CENPH: variants seen among roughly 807,000 people sequenced by gnomAD.
CENPH encodes CENP-H.
Under a neutral mutation model 42.9 loss-of-function variants are expected in CENPH, and 40 were observed. That is an observed-to-expected ratio of 0.93 (90% CI 0.72 to 1.21). The LOEUF (loss-of-function observed/expected upper bound fraction) is 1.21, where lower values mean the gene tolerates loss of function less well. CENPH is among the 50% of genes most tolerant of loss of function. The pLI is 0.00. For synonymous variants in CENPH, 88 were observed against 96.5 expected, an observed-to-expected ratio of 0.91 and a Z score of 0.52; for missense variants, 302 against 292.9, an observed-to-expected ratio of 1.03 and a Z score of -0.23.
chr5:69,204,183 T>A (rs917416739), intron 7 of CENPH, among the ~76,000 whole-genome samples: 2 of 147,420 alleles, frequency 1.4e-5, no homozygotes, highest in African/African-American at 5.0e-5. Flanking sequence ...ACTGTTGGAA[T>A]GTTTATTTCA....
rs1002921884 is a variant in CENPH, at chr5:69,208,026, C to T, written c.488-170C>T. On this transcript the variant is annotated intron_variant, in intron 7 of 8. Coordinates refer to ENST00000283006, the MANE Select transcript of CENPH (RefSeq NM_022909.4). ...ACGAAATTAAAATATTGTTATTTTG[C>T]ACCAGGGAAGTCATTTTCAGATCGT... The T allele has an allele frequency of 1.4e-5, 6 of 414,120 alleles. No individual in the cohort carries two copies. In the East Asian group the frequency reaches 1.9e-4, roughly 13 times the overall value. 25.7% of individuals were successfully genotyped at this position (414,120 alleles called of 1,614,324 possible). A position where few individuals can be genotyped will look rare whatever the true frequency, so the allele number is the denominator to read the frequency against.
intron 7 of CENPH, among the ~76,000 whole-genome samples, chr5:69,203,351 TA>T (rs527980221): frequency 5.4e-5 from 8 of 148,026 alleles, no homozygotes; most frequent in East Asian, 2.0e-4. Context: ...ATTTTTATGT[TA>T]AAAAAAATTT....
intron 2 of CENPH, among the ~76,000 whole-genome samples, chr5:69,193,326 A>G (rs1747909503): frequency 6.6e-6 from 1 of 152,040 alleles, no homozygotes; most frequent in Admixed American, 6.6e-5. Flanking sequence ...TATAATCACT[A>G]CCACAATCAA....
chr5:69,200,719 C>CTTTTTTTTTTTTTTTTTTTTTTTTTTTT lies in CENPH; in HGVS notation c.372-1780_372-1753dup, dbSNP rs70992906. Among the ~76,000 whole-genome samples the CTTTTTTTTTTTTTTTTTTTTTTTTTTTT allele has an allele frequency of 3.4e-4, 16 of 46,918 alleles. 4 individuals are homozygous for CTTTTTTTTTTTTTTTTTTTTTTTTTTTT. The highest frequency in any genetic ancestry group is 1.1e-3 in the South Asian group (1 of 924). 30.8% of individuals were successfully genotyped at this position (46,918 alleles called of 152,430 possible). ...TCCCAAACTTTCTGAATCAGCGTAT[C>CTTTTTTTTTTTTTTTTTTTTTTTTTTTT]TTTTTTTTTTTTTTTTTTTTTTTTT... On this transcript the variant is annotated intron_variant, in intron 5 of 8. Coordinates refer to ENST00000283006, the MANE Select transcript of CENPH (RefSeq NM_022909.4).
intron 8 of CENPH, among the ~76,000 whole-genome samples, chr5:69,208,777 C>G (rs1361550800): frequency 6.6e-6 from 1 of 151,972 alleles, no homozygotes; most frequent in Non-Finnish European, 1.5e-5. Flanking sequence ...TGTGTGTATA[C>G]TTAATGTTTA....
chr5:69,208,271 G>C lies in CENPH; in HGVS notation c.563G>C (p.Ser188Thr), dbSNP rs775808907. 5.0e-6 allele frequency: 8 copies of C among 1,593,908 alleles called. No individual in the cohort carries two copies. In the African/African-American group the frequency reaches 1.1e-4, roughly 21 times the overall value. The change falls in exon 8 of 9, where the codon AGT (serine) becomes ACT (threonine). Residue 188 changes from serine to threonine, a missense_variant. Physicochemically the swap from Ser to Thr is moderately conservative, Grantham distance 58. Coordinates refer to ENST00000283006, the MANE Select transcript of CENPH (RefSeq NM_022909.4). ...AACAAACAGAAGATTGATTTGGACAGTATGGAAAACTCAGAGAGGATAAAG... is the reference window on the plus strand; with the variant it reads ...AACAAACAGAAGATTGATTTGGACACTATGGAAAACTCAGAGAGGATAAAG... ...EKNKQKIDLD[S>T]MENSERIKII...
intron 2 of CENPH, among the ~76,000 whole-genome samples, chr5:69,193,068 G>T (rs369192185): frequency 1.3e-5 from 2 of 151,626 alleles, no homozygotes; most frequent in African/African-American, 4.9e-5. Flanking sequence ...TTGCACTCTG[G>T]CCTGGGCAAC....
At chr5:69,200,396 A>C (rs1232926568) in intron 5 of CENPH, among the ~76,000 whole-genome samples, 1 of 152,192 alleles carries the variant, frequency 6.6e-6, no homozygotes, top group Admixed American at 6.6e-5. Context: ...TCTTCTATGA[A>C]CACCTTATAA....
chr5:69,204,940 A>G (rs1748126483), intron 7 of CENPH, among the ~76,000 whole-genome samples: 1 of 104,822 alleles, frequency 9.5e-6, no homozygotes, highest in African/African-American at 3.8e-5. Flanking sequence ...TTTTTTTGAG[A>G]TGGAGTCTCC....
intron 7 of CENPH, among the ~76,000 whole-genome samples, chr5:69,204,036 A>C (rs1394949561): frequency 1.5e-5 from 1 of 66,702 alleles, no homozygotes; most frequent in Non-Finnish European, 3.0e-5. Flanking sequence ...ATATATAATT[A>C]TATATATTTA....
rs1051098835 is a variant in CENPH, at chr5:69,189,615, G to T, written c.-20G>T. On this transcript the variant is annotated 5_prime_UTR_variant, in exon 1 of 9. Coordinates refer to ENST00000283006, the MANE Select transcript of CENPH (RefSeq NM_022909.4). ...GAGCGCGTTTGCCTGTTGAGTGGTA[G>T]CCTTTCCCCTCAACCAGCAATGGAG... 6 of 1,585,750 alleles carry T rather than the reference G, an allele frequency of 3.8e-6. No homozygotes were observed. The highest frequency in any genetic ancestry group is 2.3e-5 in the South Asian group (2 of 87,842).
chr5:69,200,666 T>C (rs1748042328), intron 5 of CENPH, among the ~76,000 whole-genome samples: 1 of 151,206 alleles, frequency 6.6e-6, no homozygotes, highest in African/African-American at 2.4e-5. Flanking sequence ...GAATAATGTC[T>C]ATTATAGTGA....
At chr5:69,204,457 CTT>C (rs1748114248) in intron 7 of CENPH, among the ~76,000 whole-genome samples, 1 of 151,586 alleles carries the variant, frequency 6.6e-6, no homozygotes. Context: ...GCCCAGCTAA[CTT>C]TTTTGTTTTT....
intron 7 of CENPH, among the ~76,000 whole-genome samples, chr5:69,203,734 C>T (rs1748095076): frequency 6.6e-6 from 1 of 151,952 alleles, no homozygotes; most frequent in South Asian, 2.1e-4. Context: ...AACTCCTGAC[C>T]TCAAGTGATC....
chr5:69,200,291 T>G (rs1748037451), intron 5 of CENPH, among the ~76,000 whole-genome samples: 1 of 152,116 alleles, frequency 6.6e-6, no homozygotes, highest in African/African-American at 2.4e-5. Flanking sequence ...AAGCCTGATG[T>G]AAACAGTAAA....
chr5:69,193,019 C>T (rs1381615838), intron 2 of CENPH, among the ~76,000 whole-genome samples: 1 of 151,868 alleles, frequency 6.6e-6, no homozygotes, highest in Non-Finnish European at 1.5e-5. Context: ...ATCGCTTGAA[C>T]CTGGGAGGTG....
At chr5:69,204,429 AC>A (rs1748113775) in intron 7 of CENPH, among the ~76,000 whole-genome samples, 1 of 151,124 alleles carries the variant, frequency 6.6e-6, no homozygotes, top group Admixed American at 6.6e-5. Context: ...AGCTGGGAAT[AC>A]AAGTGCACTC....
At chr5:69,193,932 A>G (rs1319439060) in intron 2 of CENPH, among the ~76,000 whole-genome samples, 1 of 152,090 alleles carries the variant, frequency 6.6e-6, no homozygotes, top group Non-Finnish European at 1.5e-5. Context: ...GATTACAGGC[A>G]TGAGCCATCA....
At position 69,189,591 on chromosome 5, in the gene CENPH, A is replaced by G; in HGVS notation, c.-44A>G. ...GTGGCGGGAAAAGCGACCTTTTCTG[A>G]GCGCGTTTGCCTGTTGAGTGGTAGC... On this transcript the variant is annotated 5_prime_UTR_variant, in exon 1 of 9. Coordinates refer to ENST00000283006, the MANE Select transcript of CENPH (RefSeq NM_022909.4). 2 of 1,523,358 alleles carry G rather than the reference A, an allele frequency of 1.3e-6. No individual in the cohort carries two copies. Among genetic ancestry groups the G allele is most frequent in the Non-Finnish European group, 1.8e-6 (2 of 1,138,942 alleles). The allele number at this position is 1,523,358 out of a possible 1,614,324, so 94.4% of individuals were successfully genotyped here.
Sources: allele counts gnomAD v4.1 joint callset (sites outside exome capture counted in the v4.1 genomes callset), GRCh38; gene constraint gnomAD v4.1.1; transcripts MANE v1.5; gene names NCBI Gene and HGNC (gene_info 2026-07-23, HGNC 2026-07-21).